Variants in TTYH3 observed in about 807,000 individuals in gnomAD.
TTYH3 encodes tweety family member 3.
TTYH3 carries 23 observed loss-of-function variants against 68.2 expected under a neutral mutation model. The observed-to-expected ratio is 0.34, with a 90% CI of 0.24 to 0.48. The LOEUF (loss-of-function observed/expected upper bound fraction) is 0.48, where lower values mean the gene tolerates loss of function less well. Among genes scored for constraint, TTYH3 ranks in the 20% least tolerant of loss-of-function variants. The pLI is 0.99. For synonymous variants in TTYH3, 360 were observed against 332.8 expected, an observed-to-expected ratio of 1.08 and a Z score of -0.89; for missense variants, 768 against 727.7, an observed-to-expected ratio of 1.06 and a Z score of -0.64.
At chr7:2,649,344 C>T (rs1786095516) in intron 5 of TTYH3, among the ~76,000 whole-genome samples, 1 of 152,124 alleles carries the variant, frequency 6.6e-6, no homozygotes, top group Non-Finnish European at 1.5e-5. Flanking sequence ...TCCAGTCCTG[C>T]TTCCAGCTCA....
chr7:2,661,193 G>T (rs926241047), intron 13 of TTYH3, among the ~76,000 whole-genome samples: 1 of 152,218 alleles, frequency 6.6e-6, no homozygotes, highest in African/African-American at 2.4e-5. Flanking sequence ...ACTCCTGCAT[G>T]CTGTGGCCTG....
intron 1 of TTYH3, among the ~76,000 whole-genome samples, chr7:2,632,763 C>T (rs1469147841): frequency 6.6e-6 from 1 of 152,254 alleles, no homozygotes; most frequent in Non-Finnish European, 1.5e-5. Flanking sequence ...GGCAGAGACT[C>T]CTCGCCCACT....
At chr7:2,651,743 GT>G (rs879482760) in intron 7 of TTYH3, among the ~76,000 whole-genome samples, 4 of 151,702 alleles carry the variant, frequency 2.6e-5, no homozygotes, top group African/African-American at 7.2e-5. Context: ...CTTTTAAAAT[GT>G]TTTTTTTTAA....
chr7:2,632,704 C>T (rs925973241), intron 1 of TTYH3, among the ~76,000 whole-genome samples: 1 of 152,248 alleles, frequency 6.6e-6, no homozygotes. Flanking sequence ...CCAGATGACC[C>T]CCAGGCTCTG....
At chr7:2,658,909 C>T (rs768425038) in intron 12 of TTYH3, 31 bp from the exon 13 acceptor site, 5 of 1,609,486 alleles carry the variant, frequency 3.1e-6, no homozygotes, top group Non-Finnish European at 4.3e-6. Flanking sequence ...GGCCAGCAGG[C>T]ACTCACAGCC....
At chr7:2,658,192 G>A (rs1786388474) in intron 11 of TTYH3, 94 bp from the exon 12 acceptor site, 2 of 1,286,862 alleles carry the variant, frequency 1.6e-6, no homozygotes, top group Non-Finnish European at 2.1e-6. Flanking sequence ...CTGGAACCAG[G>A]AGTGTCTGTC....
chr7:2,639,023 C>T, intron 1 of TTYH3, among the ~76,000 whole-genome samples: 1 of 152,134 alleles, frequency 6.6e-6, no homozygotes, highest in East Asian at 1.9e-4. Context: ...GCCCAGGACA[C>T]CTGGGGGGTT....
chr7:2,637,701 A>T (rs747416217), intron 1 of TTYH3, among the ~76,000 whole-genome samples: 3 of 152,138 alleles, frequency 2.0e-5, no homozygotes, highest in Non-Finnish European at 2.9e-5. Context: ...GGGAATTGGC[A>T]TGTGACAGCG....
At chr7:2,633,841 A>G (rs1299249769) in intron 1 of TTYH3, among the ~76,000 whole-genome samples, 1 of 152,136 alleles carries the variant, frequency 6.6e-6, no homozygotes, top group Non-Finnish European at 1.5e-5. Context: ...CCACAGTTGG[A>G]CTTCCTTCCA....
chr7:2,649,850 C>G, intron 6 of TTYH3, 63 bp from the exon 7 acceptor site: 1 of 1,585,314 alleles, frequency 6.3e-7, no homozygotes, highest in Non-Finnish European at 8.6e-7. Flanking sequence ...GGGTTCTACC[C>G]CCGAGAGCTT....
intron 8 of TTYH3, 136 bp from the exon 9 acceptor site, chr7:2,652,782 G>A: frequency 1.4e-6 from 1 of 691,138 alleles, no homozygotes; most frequent in Non-Finnish European, 2.5e-6. Context: ...GGAGTGCCCT[G>A]TTGGCCTGCA....
intron 3 of TTYH3, 44 bp downstream of exon 3, chr7:2,647,297 C>T: frequency 2.6e-6 from 4 of 1,535,790 alleles, no homozygotes; most frequent in Non-Finnish European, 1.7e-6. Context: ...CTTGCTGCTC[C>T]GGAGCCCCAC....
chr7:2,657,328 G>A (rs961243496), intron 11 of TTYH3, among the ~76,000 whole-genome samples: 1 of 151,922 alleles, frequency 6.6e-6, no homozygotes, highest in Non-Finnish European at 1.5e-5. Flanking sequence ...TGGTGATGGT[G>A]GTAATGATGG....
intron 1 of TTYH3, among the ~76,000 whole-genome samples, chr7:2,641,683 CGGTGGAGAGAGGTGGCTGGG>C (rs1562709207): frequency 6.6e-6 from 1 of 152,238 alleles, no homozygotes; most frequent in South Asian, 2.1e-4. Context: ...GCCGCCAGCC[CGGTGGAGAGAGGTGGCTGGG>C]CCACCGTAGG....
Position 2,658,312 on chromosome 7 carries a change from A to C in TTYH3, c.1277A>C (p.Glu426Ala), listed in dbSNP as rs1419133153. Residue 426 changes from glutamate (E) to alanine (A), a missense_variant, in exon 12 of 14, where the codon GAG (glutamate) becomes GCG (alanine). Glu to Ala is a moderately radical substitution (Grantham distance 107). Transcript: ENST00000258796. ...GGCCCTGATGAGGACGGGGAGGAGGAGGCCGCTCCAGGGCCGCGGCAGGCG... is the reference window on the plus strand; with the variant it reads ...GGCCCTGATGAGGACGGGGAGGAGGCGGCCGCTCCAGGGCCGCGGCAGGCG... ...KRGPDEDGEEEAAPGPRQAHD... is the reference protein window; with the variant it reads ...KRGPDEDGEEAAAPGPRQAHD... 1 of 1,595,754 alleles carries C rather than the reference A, an allele frequency of 6.3e-7. No homozygotes were observed. Among genetic ancestry groups the C allele is most frequent in the Non-Finnish European group, 8.5e-7 (1 of 1,170,938 alleles).
chr7:2,659,514 T>G (rs1269248082), intron 13 of TTYH3, among the ~76,000 whole-genome samples: 1 of 152,202 alleles, frequency 6.6e-6, no homozygotes, highest in Non-Finnish European at 1.5e-5. Context: ...TTGAGTCTTT[T>G]CCTGAGTGTC....
At chr7:2,651,836 T>C (rs753873049) in intron 7 of TTYH3, among the ~76,000 whole-genome samples, 37 of 152,196 alleles carry the variant, frequency 2.4e-4, no homozygotes, top group Non-Finnish European at 4.4e-4. Flanking sequence ...GTGGGGACTC[T>C]GGCTTGATGG....
At position 2,663,416 on chromosome 7, in the gene TTYH3, G is replaced by C. The variant is rs1398079579; in HGVS notation, c.*1677G>C. The C allele has an allele frequency of 6.6e-6, 1 of 152,664 alleles. No individual in the cohort carries two copies. The highest frequency in any genetic ancestry group is 1.9e-4 in the East Asian group (1 of 5,304). 9.5% of individuals were successfully genotyped at this position (152,664 alleles called of 1,614,324 possible). On this transcript the variant is annotated 3_prime_UTR_variant, in exon 14 of 14. Coordinates refer to ENST00000258796, the MANE Select transcript of TTYH3 (RefSeq NM_025250.3). ...TTGTGCTGGTGTCTGGGACCAAAAA[G>C]GGGGAATATGGGAGGGCAGAGTGGG...
chr7:2,632,175 C>G lies in TTYH3; in HGVS notation c.20C>G (p.Ala7Gly), dbSNP rs1342658130. The change falls in exon 1 of 14, where the codon GCG (alanine) becomes GGG (glycine). Residue 7 changes from alanine (A) to glycine (G), a missense_variant. Physicochemically the swap from Ala to Gly is moderately conservative, Grantham distance 60. Transcript: ENST00000258796. ...CCCGCCATGGCCGGGGTCAGCTACG[C>G]GGCGCCCTGGTGGGTGAGCCTCCTG... MAGVSY[A>G]APWWVSLLHR... 1 of 1,495,030 alleles carries G rather than the reference C, an allele frequency of 6.7e-7. No homozygotes were observed. The highest frequency in any genetic ancestry group is 2.7e-5 in the East Asian group (1 of 36,946). The allele number at this position is 1,495,030 out of a possible 1,614,324, so 92.6% of individuals were successfully genotyped here. A position where few individuals can be genotyped will look rare whatever the true frequency, so the allele number is the denominator to read the frequency against.
Sources: gnomAD v4.1 joint callset for allele counts (sites outside exome capture counted in the v4.1 genomes callset) on GRCh38, gnomAD v4.1.1 for gene constraint, MANE v1.5 for transcripts, NCBI Gene and HGNC (gene_info 2026-07-23, HGNC 2026-07-21) for gene names.